The following ADAM23 variants were observed in gnomAD, a reference collection of about 807,000 sequenced individuals.
ADAM23 encodes the protein ADAM metallopeptidase domain 23.
ADAM23 carries 33 observed loss-of-function variants against 120.1 expected under a neutral mutation model. The observed-to-expected ratio is 0.27, with a 90% CI of 0.21 to 0.37. ADAM23 has a LOEUF of 0.37. Among genes scored for constraint, ADAM23 ranks in the 10% least tolerant of loss-of-function variants. The pLI, the probability that ADAM23 is intolerant of heterozygous loss-of-function variation, is 1.00. For synonymous variants in ADAM23, 367 were observed against 375.2 expected (o/e 0.98, Z 0.25); for missense variants, 862 against 1,058.2 (o/e 0.81, Z 2.57).
chr2:206,529,233 A>G (rs1254766809), intron 3 of ADAM23, among the ~76,000 whole-genome samples: 1 of 152,142 alleles, frequency 6.6e-6, no homozygotes, highest in Admixed American at 6.5e-5. Context: ...AATACTGCAT[A>G]TTCATGGTTT....
intron 2 of ADAM23, among the ~76,000 whole-genome samples, chr2:206,472,545 G>A (rs1397407577): frequency 1.3e-5 from 2 of 151,730 alleles, no homozygotes; most frequent in South Asian, 2.1e-4. Context: ...CCCAGGAGGC[G>A]GAGGTTGTGG....
At chr2:206,555,830 A>C (rs987178255) in intron 9 of ADAM23, among the ~76,000 whole-genome samples, 1 of 152,308 alleles carries the variant, frequency 6.6e-6, no homozygotes, top group East Asian at 1.9e-4. Flanking sequence ...TTCAATCCAC[A>C]ATTCAGTGGA....
At chr2:206,614,143 C>T (rs2105867904) in intron 25 of ADAM23, among the ~76,000 whole-genome samples, 1 of 152,284 alleles carries the variant, frequency 6.6e-6, no homozygotes, top group South Asian at 2.1e-4. Flanking sequence ...ATAGCTACTC[C>T]TTACATTAAA....
Position 206,557,628 on chromosome 2 carries a change from TTA to T in ADAM23, c.1005+133_1005+134del. 6.0e-6 allele frequency: 5 copies of T among 838,118 alleles called. No homozygotes were observed. The South Asian group carries it at 7.4e-5, about 12-fold the overall frequency. The allele number at this position is 838,118 out of a possible 1,614,324, so 51.9% of individuals were successfully genotyped here. The stretch of plus-strand genomic sequence containing the variant: ...TCCTGAAGCTCATCTGGCTAAGGAA[TTA>T]TAGGATGGTCCGCTTCACAGAGTAG... On this transcript the variant is annotated intron_variant, in intron 10 of 25. Transcript: ENST00000264377.
At chr2:206,509,253 G>C (rs1362854695) in intron 3 of ADAM23, among the ~76,000 whole-genome samples, 7 of 152,044 alleles carry the variant, frequency 4.6e-5, no homozygotes, top group Non-Finnish European at 8.8e-5. Context: ...AAACAGATTC[G>C]TATTCAGAAG....
At chr2:206,586,563 A>C (rs1698325992) in intron 18 of ADAM23, among the ~76,000 whole-genome samples, 1 of 152,226 alleles carries the variant, frequency 6.6e-6, no homozygotes, top group African/African-American at 2.4e-5. Flanking sequence ...GGAGGACCTC[A>C]GTGCACACTG....
chr2:206,611,652 T>C (rs1698830338), intron 25 of ADAM23, among the ~76,000 whole-genome samples: 1 of 152,228 alleles, frequency 6.6e-6, no homozygotes, highest in Non-Finnish European at 1.5e-5. Flanking sequence ...TCTAGCCATA[T>C]GCAATGCCAA....
At chr2:206,567,176 A>G in intron 14 of ADAM23, 47 bp from the exon 15 acceptor site, 1 of 1,431,778 alleles carries the variant, frequency 7.0e-7, no homozygotes, top group Non-Finnish European at 9.8e-7. Flanking sequence ...TTCTCTGATG[A>G]TTGCTTTTGG....
At chr2:206,559,588 C>G (rs1194113037) in intron 10 of ADAM23, among the ~76,000 whole-genome samples, 1 of 152,142 alleles carries the variant, frequency 6.6e-6, no homozygotes, top group African/African-American at 2.4e-5. Context: ...TGCGGTTACT[C>G]AGAACTGGTA....
At position 206,550,849 on chromosome 2, in the gene ADAM23, C is replaced by T. The variant is rs1697509890; in HGVS notation, c.933+689C>T. 2.6e-5 allele frequency among the ~76,000 whole-genome samples: 4 copies of T among 152,200 alleles called. No individual in the cohort carries two copies. The South Asian group carries it at 8.3e-4, about 32-fold the overall frequency. The stretch of plus-strand genomic sequence containing the variant: ...ATCTCCTGACCTCGTGATCCGCCTG[C>T]CTCGGCCTCCCAAAGTGCTGGGATT... On this transcript the variant is annotated intron_variant, in intron 9 of 25. Coordinates refer to ENST00000264377, the MANE Select transcript of ADAM23 (RefSeq NM_003812.4).
chr2:206,507,029 TTGCAA>T (rs1203055677), intron 3 of ADAM23, among the ~76,000 whole-genome samples: 1 of 152,224 alleles, frequency 6.6e-6, no homozygotes, highest in Non-Finnish European at 1.5e-5. Context: ...GTACCTTACC[TTGCAA>T]TAAAAGGAGA....
At chr2:206,547,671 G>A (rs913426454) in intron 7 of ADAM23, among the ~76,000 whole-genome samples, 170 bp downstream of exon 7, 5 of 152,208 alleles carry the variant, frequency 3.3e-5, no homozygotes, top group Admixed American at 6.5e-5. Context: ...GAGGCATGGA[G>A]AGTCATTTCC....
At chr2:206,445,195 G>A (rs1695054655) in intron 1 of ADAM23, 112 bp from the exon 2 acceptor site, 5 of 767,160 alleles carry the variant, frequency 6.5e-6, no homozygotes, top group Non-Finnish European at 8.5e-6. Flanking sequence ...AAAACTTTGT[G>A]TTTGAAATTA....
At chr2:206,570,052 A>G (rs899488680) in intron 15 of ADAM23, among the ~76,000 whole-genome samples, 3 of 152,190 alleles carry the variant, frequency 2.0e-5, no homozygotes, top group African/African-American at 7.2e-5. Flanking sequence ...ACAGTCAACT[A>G]CCTTTACAGT....
intron 25 of ADAM23, among the ~76,000 whole-genome samples, chr2:206,614,900 G>T (rs948415201): frequency 6.6e-6 from 1 of 152,038 alleles, no homozygotes; most frequent in South Asian, 2.1e-4. Flanking sequence ...TAATGCCTGG[G>T]ACTCCTGGGT....
chr2:206,572,329 T>C (rs889821485), intron 17 of ADAM23, among the ~76,000 whole-genome samples: 1 of 152,214 alleles, frequency 6.6e-6, no homozygotes, highest in Non-Finnish European at 1.5e-5. Flanking sequence ...TTTGTGTGTG[T>C]GTGTGGACAG....
chr2:206,573,262 C>T, intron 18 of ADAM23, 67 bp downstream of exon 18: 2 of 1,437,816 alleles, frequency 1.4e-6, no homozygotes, highest in South Asian at 1.1e-5. Flanking sequence ...TACCACAGTG[C>T]TTGGGGCCAG....
chr2:206,523,230 C>T (rs946571306), intron 3 of ADAM23, among the ~76,000 whole-genome samples: 1 of 152,152 alleles, frequency 6.6e-6, no homozygotes, highest in African/African-American at 2.4e-5. Flanking sequence ...ACCTGAGATG[C>T]AGGAGTACCT....
Position 206,570,732 on chromosome 2 carries a change from C to T in ADAM23, c.1495-8C>T. Reference sequence around the variant, plus strand: ...AACATTTTTCCCTTCTGTCCCTAATCTCTTTAGCTATTTGAGCCCACGGAA... The same window carrying T: ...AACATTTTTCCCTTCTGTCCCTAATTTCTTTAGCTATTTGAGCCCACGGAA... On this transcript the variant is annotated splice_polypyrimidine_tract_variant and splice_region_variant and intron_variant, in intron 15 of 25. Coordinates refer to ENST00000264377, the MANE Select transcript of ADAM23 (RefSeq NM_003812.4). 1 of 1,612,858 alleles carries T rather than the reference C, an allele frequency of 6.2e-7. No homozygotes were observed. The highest frequency in any genetic ancestry group is 8.5e-7 in the Non-Finnish European group (1 of 1,178,960).
Sources: allele counts gnomAD v4.1 joint callset (sites outside exome capture counted in the v4.1 genomes callset), GRCh38; gene constraint gnomAD v4.1.1; transcripts MANE v1.5; gene names NCBI Gene and HGNC (gene_info 2026-07-23, HGNC 2026-07-21).